SYN3: variants seen among roughly 807,000 people sequenced by gnomAD.
SYN3 encodes the protein synapsin III.
Under a neutral mutation model 65.8 loss-of-function variants are expected in SYN3, and 35 were observed. The observed-to-expected ratio is 0.53, with a 90% CI of 0.41 to 0.70. The LOEUF is 0.70. Among genes scored for constraint, SYN3 ranks in the 30% least tolerant of loss-of-function variants. SYN3 has a pLI of 0.00. For synonymous variants in SYN3, 270 were observed against 292.9 expected (o/e 0.92, Z 0.80); for missense variants, 680 against 749.0 (o/e 0.91, Z 1.08).
Position 32,864,988 on chromosome 22 carries a change from T to C in SYN3, c.638A>G (p.Lys213Arg). 1 of 1,614,022 alleles carries C rather than the reference T, an allele frequency of 6.2e-7. No individual in the cohort carries two copies. The highest frequency in any genetic ancestry group is 1.7e-4 in the Middle Eastern group (1 of 6,060). ...CTCAGGACCCAGGGAATGGAAGATC[T>C]TAATGAGCTGAGAGAACTAGGATAG... ...SKPWVFSQLI[K>R]IFHSLGPEKF... Residue 213 changes from lysine (K) to arginine (R), a missense_variant, in exon 6 of 14, where the codon AAG (lysine) becomes AGG (arginine). Lys to Arg is a conservative substitution (Grantham distance 26). Coordinates refer to ENST00000358763, the MANE Select transcript of SYN3 (RefSeq NM_003490.4).
chr22:32,575,090 G>A lies in SYN3; in HGVS notation c.774+21584C>T, dbSNP rs79309634. Among the ~76,000 whole-genome samples, 519 of 152,312 alleles carry A rather than the reference G, an allele frequency of 3.4e-3. 5 individuals are homozygous for A. The highest frequency in any genetic ancestry group is 0.012 in the African/African-American group (508 of 41,566). The stretch of plus-strand genomic sequence containing the variant: ...GGTTTTCAAACTGAATTCTATGGAG[G>A]GAATGGCGCCATGCCGGGAGCCCGG... On this transcript the variant is annotated intron_variant, in intron 7 of 13. Coordinates refer to ENST00000358763, the MANE Select transcript of SYN3 (RefSeq NM_003490.4).
In SYN3 at chr22:32,916,766, T is replaced by A. The variant is rs575436273; in HGVS notation, c.461+14624A>T. Reference sequence around the variant, plus strand: ...TGCATTTTAATAAGTAGGGTAGAGGTTTCCTAAATTATTCACATCACGAAA... The same window carrying A: ...TGCATTTTAATAAGTAGGGTAGAGGATTCCTAAATTATTCACATCACGAAA... On this transcript the variant is annotated intron_variant, in intron 4 of 13. Transcript: ENST00000358763. 2.0e-5 allele frequency among the ~76,000 whole-genome samples: 3 copies of A among 152,306 alleles called. No homozygotes were observed. In the East Asian group the frequency reaches 5.8e-4, roughly 29 times the overall value.
intron 6 of SYN3, among the ~76,000 whole-genome samples, chr22:32,724,117 C>T (rs1045183203): frequency 5.3e-5 from 8 of 152,188 alleles, no homozygotes; most frequent in African/African-American, 1.7e-4. Flanking sequence ...CCAAGTCATC[C>T]AGCAAGGAGT....
At chr22:32,565,544 A>C (rs1342180430) in intron 7 of SYN3, among the ~76,000 whole-genome samples, 1 of 150,162 alleles carries the variant, frequency 6.7e-6, no homozygotes, top group Non-Finnish European at 1.5e-5. Flanking sequence ...AGGAGACCGA[A>C]TCATGCCCTG....
chr22:32,645,715 C>A (rs547624626), intron 6 of SYN3, among the ~76,000 whole-genome samples: 1 of 152,158 alleles, frequency 6.6e-6, no homozygotes, highest in African/African-American at 2.4e-5. Flanking sequence ...GCTCCCTGCC[C>A]TCTGCTTTTG....
At chr22:32,905,117 C>T (rs1050856317) in intron 4 of SYN3, among the ~76,000 whole-genome samples, 9 of 152,110 alleles carry the variant, frequency 5.9e-5, no homozygotes, top group Admixed American at 3.9e-4. Context: ...TTGCTATACT[C>T]TCACAAAAAA....
At chr22:33,033,603 C>T (rs1050427730) in intron 1 of SYN3, among the ~76,000 whole-genome samples, 1 of 152,264 alleles carries the variant, frequency 6.6e-6, no homozygotes, top group African/African-American at 2.4e-5. Flanking sequence ...ACTGCCTCAC[C>T]CAGGGCCTGC....
At chr22:32,599,028 A>G (rs2059243271) in intron 6 of SYN3, among the ~76,000 whole-genome samples, 1 of 152,052 alleles carries the variant, frequency 6.6e-6, no homozygotes, top group Admixed American at 6.5e-5. Flanking sequence ...TCATCCTCAG[A>G]CTGCTAACAG....
intron 6 of SYN3, among the ~76,000 whole-genome samples, chr22:32,807,385 AT>A (rs1318936862): frequency 1.9e-5 from 2 of 104,978 alleles, no homozygotes; most frequent in Non-Finnish European, 3.7e-5. Flanking sequence ...TATAATATAT[AT>A]TATATATAAT....
At chr22:32,545,549 GTCTCTCTC>G (rs895153167) in intron 7 of SYN3, among the ~76,000 whole-genome samples, 2 of 150,650 alleles carry the variant, frequency 1.3e-5, no homozygotes, top group African/African-American at 4.9e-5. Flanking sequence ...TGGAACCCAG[GTCTCTCTC>G]TCTCTCTCTC....
intron 6 of SYN3, among the ~76,000 whole-genome samples, chr22:32,757,499 G>T (rs548732412): frequency 1.3e-5 from 2 of 152,076 alleles, no homozygotes; most frequent in African/African-American, 4.8e-5. Context: ...GTTTTTCCAT[G>T]TTGGTCAGGC....
At chr22:32,549,225 A>T (rs1286960377) in intron 7 of SYN3, among the ~76,000 whole-genome samples, 1 of 152,100 alleles carries the variant, frequency 6.6e-6, no homozygotes, top group East Asian at 1.9e-4. Context: ...TGAAAAAAAT[A>T]GGGTGCAGAA....
At chr22:32,986,798 A>G (rs550559523) in intron 2 of SYN3, among the ~76,000 whole-genome samples, 13 of 152,234 alleles carry the variant, frequency 8.5e-5, no homozygotes, top group Admixed American at 2.0e-4. Flanking sequence ...CAGCCAATCA[A>G]TCAAGTCCTT....
At chr22:32,990,267 CCCATCCATGAATCCATCCATGAAT>C (rs759546933) in intron 2 of SYN3, among the ~76,000 whole-genome samples, 6,364 of 140,810 alleles carry the variant, frequency 0.045, 435 homozygotes, top group African/African-American at 0.15. Flanking sequence ...CACCCAACTA[CCCATCCATGAATCCATCCATGAAT>C]CCATCCATGA....
chr22:32,748,730 C>T (rs1037711880), intron 6 of SYN3, among the ~76,000 whole-genome samples: 1 of 152,136 alleles, frequency 6.6e-6, no homozygotes, highest in Admixed American at 6.6e-5. Flanking sequence ...TATCCTCGAC[C>T]AGAACGAAGG....
At chr22:33,052,583 C>CG (rs1556255520) in intron 1 of SYN3, among the ~76,000 whole-genome samples, 21 of 107,880 alleles carry the variant, frequency 1.9e-4, no homozygotes, top group African/African-American at 6.0e-4. Flanking sequence ...AGAAGAGGAA[C>CG]AAAAAAAAAA....
chr22:32,528,222 G>A (rs1301394518), intron 11 of SYN3, among the ~76,000 whole-genome samples: 1 of 152,192 alleles, frequency 6.6e-6, no homozygotes, highest in Non-Finnish European at 1.5e-5. Context: ...CTGCGATAAA[G>A]CCTGCCCCGT....
chr22:32,798,714 C>T (rs1362742284), intron 6 of SYN3, among the ~76,000 whole-genome samples: 5 of 106,040 alleles, frequency 4.7e-5, no homozygotes, highest in East Asian at 5.5e-4. Context: ...TTTTTGGAGA[C>T]GGAGTCTCAC....
chr22:32,934,833 A>G (rs1027300268), intron 3 of SYN3, among the ~76,000 whole-genome samples: 1 of 152,188 alleles, frequency 6.6e-6, no homozygotes. Context: ...GGGGAGGCAC[A>G]CTAAATCCAC....
Sources: gnomAD v4.1 joint callset for allele counts (sites outside exome capture counted in the v4.1 genomes callset) on GRCh38, gnomAD v4.1.1 for gene constraint, MANE v1.5 for transcripts, NCBI Gene and HGNC (gene_info 2026-07-23, HGNC 2026-07-21) for gene names.